MCM6: variants seen among roughly 807,000 people sequenced by gnomAD.
The protein encoded by MCM6 is DNA replication licensing factor MCM6.
In MCM6, 46 loss-of-function variants were observed where a neutral mutation model predicts 94.3. The observed-to-expected ratio is 0.49, with a 90% CI of 0.39 to 0.62. The LOEUF (loss-of-function observed/expected upper bound fraction) is 0.62, where lower values mean the gene tolerates loss of function less well. Ranked by LOEUF, MCM6 falls within the 20% of genes least tolerant of loss-of-function variation. The pLI is 0.00. For missense variants in MCM6, 865 were observed against 1,017.9 expected, an observed-to-expected ratio of 0.85 and a Z score of 2.04; for synonymous variants, 335 against 351.9, an observed-to-expected ratio of 0.95 and a Z score of 0.54.
chr2:135,863,013 A>G (rs1319505636), intron 7 of MCM6, among the ~76,000 whole-genome samples: 1 of 152,222 alleles, frequency 6.6e-6, no homozygotes, highest in African/African-American at 2.4e-5. Context: ...TTACTTGTCC[A>G]TGAGTCCTAC....
intron 2 of MCM6, 30 bp from the exon 3 acceptor site, chr2:135,870,391 T>C (rs1558763746): frequency 1.3e-6 from 2 of 1,522,326 alleles, no homozygotes; most frequent in Non-Finnish European, 1.8e-6. Flanking sequence ...GCTGATACCT[T>C]AGAGGTTTAC....
rs1304032637 is a variant in MCM6 at position 135,840,674 on chromosome 2, T to C, written c.*161A>G. On this transcript the variant is annotated 3_prime_UTR_variant, in exon 17 of 17. Coordinates refer to ENST00000264156, the MANE Select transcript of MCM6 (RefSeq NM_005915.6). ...GTGTTGGTATGAAACCTGTGATGAA[T>C]GTGACACATAGGACCATCAACTCAA... The C allele has an allele frequency of 3.4e-6, 2 of 584,094 alleles. No individual in the cohort carries two copies. Among genetic ancestry groups the C allele is most frequent in the African/African-American group, 1.9e-5 (1 of 53,592 alleles). The allele number at this position is 584,094 out of a possible 1,614,324, so 36.2% of individuals were successfully genotyped here. A position where few individuals can be genotyped will look rare whatever the true frequency, so the allele number is the denominator to read the frequency against.
chr2:135,873,790 G>A (rs553282659), intron 1 of MCM6, among the ~76,000 whole-genome samples: 1 of 152,310 alleles, frequency 6.6e-6, no homozygotes, highest in South Asian at 2.1e-4. Context: ...TCCTGTTAAT[G>A]AGAAGAACAA....
chr2:135,868,863 G>T lies in MCM6; in HGVS notation c.366-3C>A, dbSNP rs775750274. 2 of 1,612,970 alleles carry T rather than the reference G, an allele frequency of 1.2e-6. No homozygotes were observed. The highest frequency in any genetic ancestry group is 3.3e-5 in the Admixed American group (2 of 60,002). ...TGGATGAGGTGAGCTCTCGAATCCT[G>T]TTTAAAGACAAATGTCCCATTAGTA... On this transcript the variant is annotated splice_region_variant and splice_polypyrimidine_tract_variant and intron_variant, in intron 3 of 16. Coordinates refer to ENST00000264156, the MANE Select transcript of MCM6 (RefSeq NM_005915.6).
At chr2:135,870,154 A>T in intron 3 of MCM6, 97 bp downstream of exon 3, 1 of 797,206 alleles carries the variant, frequency 1.3e-6, no homozygotes, top group Non-Finnish European at 2.2e-6. Flanking sequence ...GCCAGCTAAT[A>T]GCAGATCAAG....
At chr2:135,848,340 C>G in intron 13 of MCM6, 152 bp from the exon 14 acceptor site, 1 of 557,350 alleles carries the variant, frequency 1.8e-6, no homozygotes, top group Non-Finnish European at 3.2e-6. Context: ...AACACCCTCT[C>G]TCATTCTCTC....
At chr2:135,849,551 A>G (rs1679733009) in intron 13 of MCM6, among the ~76,000 whole-genome samples, 1 of 152,232 alleles carries the variant, frequency 6.6e-6, no homozygotes, top group Non-Finnish European at 1.5e-5. Flanking sequence ...AAACAGAGCA[A>G]GCTGATTTCT....
chr2:135,848,318 G>C (rs2105574702), intron 13 of MCM6, 130 bp from the exon 14 acceptor site: 1 of 584,710 alleles, frequency 1.7e-6, no homozygotes, highest in South Asian at 2.4e-5. Context: ...GTGTTGCTTT[G>C]GTTTTCTCAC....
At chr2:135,866,506 A>G in intron 5 of MCM6, 57 bp downstream of exon 5, 2 of 1,542,316 alleles carry the variant, frequency 1.3e-6, no homozygotes, top group Non-Finnish European at 1.8e-6. Context: ...GGGAAGCTAG[A>G]TACTGTGCAG....
chr2:135,874,731 G>A (rs1441284158), intron 1 of MCM6, among the ~76,000 whole-genome samples: 1 of 152,024 alleles, frequency 6.6e-6, no homozygotes, highest in Non-Finnish European at 1.5e-5. Context: ...AATTGGTTAA[G>A]TATAATGTAA....
chr2:135,846,206 G>A (rs1679667871), intron 15 of MCM6, 31 bp downstream of exon 15: 6 of 1,608,702 alleles, frequency 3.7e-6, no homozygotes, highest in South Asian at 1.1e-5. Context: ...AGAAGTGACC[G>A]AGCATGTAAG....
At position 135,868,914 on chromosome 2, in the gene MCM6, T is replaced by C. The variant is rs993317746; in HGVS notation, c.366-54A>G. The C allele has an allele frequency of 1.8e-5, 28 of 1,551,932 alleles. No homozygotes were observed. In the South Asian group the frequency reaches 2.7e-4, roughly 15 times the overall value. On this transcript the variant is annotated intron_variant, in intron 3 of 16. Coordinates refer to ENST00000264156, the MANE Select transcript of MCM6 (RefSeq NM_005915.6). ...AACATTCATCTCTTAACTAAGAATC[T>C]TTCCATTTTAGTGAGAGGGTATTCA...
Position 135,866,601 on chromosome 2 carries a change from A to G in MCM6, c.743T>C (p.Leu248Pro), listed in dbSNP as rs767749300. 2 of 1,613,892 alleles carry G rather than the reference A, an allele frequency of 1.2e-6. No homozygotes were observed. The highest frequency in any genetic ancestry group is 1.7e-6 in the Non-Finnish European group (2 of 1,179,930). Residue 248 changes from leucine to proline, a missense_variant, in exon 5 of 17, where the codon CTG (leucine) becomes CCG (proline). Physicochemically the swap from Leu to Pro is moderately conservative, Grantham distance 98 (BLOSUM62 -3). Coordinates refer to ENST00000264156, the MANE Select transcript of MCM6 (RefSeq NM_005915.6). ...AGDKCDFTGT[L>P]IVVPDVSKLS... is the part of the protein sequence containing the mutation. ...CTTGGAGACGTCAGGCACAACAATC[A>G]GTGTCCCTGTAAAGTCACACTTGTC...
At chr2:135,871,052 T>G (rs1575368632) in intron 2 of MCM6, among the ~76,000 whole-genome samples, 1 of 152,114 alleles carries the variant, frequency 6.6e-6, no homozygotes, top group East Asian at 1.9e-4. Context: ...CACATCTGGC[T>G]GGTTTGATAA....
At chr2:135,862,171 AAAAG>A (rs1212519195) in intron 8 of MCM6, among the ~76,000 whole-genome samples, 1 of 152,140 alleles carries the variant, frequency 6.6e-6, no homozygotes, top group Non-Finnish European at 1.5e-5. Context: ...TTTCCATGCG[AAAAG>A]AAACATGGAA....
intron 16 of MCM6, among the ~76,000 whole-genome samples, chr2:135,841,662 C>CA (rs961746590): frequency 6.6e-6 from 1 of 152,206 alleles, no homozygotes; most frequent in African/African-American, 2.4e-5. Context: ...ATTGCCCTTT[C>CA]AAATCTACCC....
chr2:135,876,172 G>C (rs948680605), intron 1 of MCM6, 87 bp downstream of exon 1: 1 of 1,081,136 alleles, frequency 9.2e-7, no homozygotes, highest in Non-Finnish European at 1.2e-6. Context: ...CCCAGGTTCC[G>C]GAACACCCGC....
chr2:135,853,395 T>C (rs1387620312), intron 11 of MCM6, among the ~76,000 whole-genome samples: 2 of 152,080 alleles, frequency 1.3e-5, no homozygotes, highest in African/African-American at 4.8e-5. Context: ...AGTGAAGCCA[T>C]GATTGCACCA....
At chr2:135,863,276 T>A (rs1680028765) in intron 7 of MCM6, among the ~76,000 whole-genome samples, 1 of 152,224 alleles carries the variant, frequency 6.6e-6, no homozygotes, top group Non-Finnish European at 1.5e-5. Context: ...GCTTAGTTCA[T>A]AAATCCAATA....
Sources: gnomAD v4.1 joint callset for allele counts (sites outside exome capture counted in the v4.1 genomes callset) on GRCh38, gnomAD v4.1.1 for gene constraint, MANE v1.5 for transcripts, NCBI Gene and HGNC (gene_info 2026-07-23, HGNC 2026-07-21) for gene names.